FAM120A: variants seen among roughly 807,000 people sequenced by gnomAD.
FAM120A encodes the protein family with sequence similarity 120 member A, also known as constitutive coactivator of PPAR-gamma-like protein 1.
In FAM120A, 15 loss-of-function variants were observed where a neutral mutation model predicts 109.7. The ratio of observed to expected loss-of-function variants is 0.14; its 90% CI spans 0.09 to 0.21. The LOEUF (loss-of-function observed/expected upper bound fraction) is 0.21, where lower values mean the gene tolerates loss of function less well. Among genes scored for constraint, FAM120A ranks in the 10% least tolerant of loss-of-function variants. The pLI is 1.00. For synonymous variants in FAM120A, 493 were observed against 572.8 expected, an observed-to-expected ratio of 0.86 and a Z score of 1.99; for missense variants, 899 against 1,439.3, an observed-to-expected ratio of 0.62 and a Z score of 6.07.
At chr9:93,484,836 A>G (rs112294389) in intron 3 of FAM120A, among the ~76,000 whole-genome samples, 6,778 of 152,244 alleles carry the variant, frequency 0.045, 254 homozygotes, top group African/African-American at 0.094. Context: ...GGCCTCCCCA[A>G]AGTGCTGGGA....
At chr9:93,543,864 G>C (rs1861793428) in intron 11 of FAM120A, among the ~76,000 whole-genome samples, 1 of 152,064 alleles carries the variant, frequency 6.6e-6, no homozygotes, top group South Asian at 2.1e-4. Context: ...ATCATTTACA[G>C]TCACACATTG....
intron 7 of FAM120A, among the ~76,000 whole-genome samples, chr9:93,520,330 T>G (rs1860792680): frequency 6.6e-6 from 1 of 152,092 alleles, no homozygotes; most frequent in African/African-American, 2.4e-5. Context: ...GCCAATGCGC[T>G]CTCTCCTGGG....
intron 2 of FAM120A, among the ~76,000 whole-genome samples, chr9:93,473,153 A>T (rs1564313157): frequency 1.3e-5 from 2 of 151,690 alleles, no homozygotes; most frequent in Admixed American, 6.6e-5. Flanking sequence ...GAAAGCTGGG[A>T]TTACAGGCGC....
At chr9:93,483,283 A>G (rs1283478478) in intron 3 of FAM120A, among the ~76,000 whole-genome samples, 3 of 152,140 alleles carry the variant, frequency 2.0e-5, no homozygotes, top group Non-Finnish European at 4.4e-5. Context: ...GTAAGAGCTA[A>G]GAAAAACTTC....
In FAM120A at chr9:93,532,479, GTAAAGGC is replaced by G; in HGVS notation, c.1909+152_1909+158del. 2.8e-6 allele frequency: 2 copies of G among 723,200 alleles called. No individual in the cohort carries two copies. Among genetic ancestry groups the G allele is most frequent in the East Asian group, 5.3e-5 (2 of 37,428 alleles). 44.8% of individuals were successfully genotyped at this position (723,200 alleles called of 1,614,324 possible). A position where few individuals can be genotyped will look rare whatever the true frequency, so the allele number is the denominator to read the frequency against. On this transcript the variant is annotated intron_variant, in intron 10 of 17. Coordinates refer to ENST00000277165, the MANE Select transcript of FAM120A (RefSeq NM_014612.5). This position sits in a 1 kb window ranked among gnomAD's most constrained non-coding sequence, Gnocchi z 4.3. ...CCCATCATCGGGGCAGTAGGCCAGG[GTAAAGGC>G]TCTTAGAAAAGGAGGAGAAGCCACA...
Position 93,481,284 on chromosome 9 carries a change from C to T in FAM120A, c.804+4946C>T, listed in dbSNP as rs7040489. Among the ~76,000 whole-genome samples, 1,407 of 152,236 alleles carry T rather than the reference C, an allele frequency of 9.2e-3. 21 individuals carry two copies. The highest frequency in any genetic ancestry group is 0.032 in the African/African-American group (1,331 of 41,538). On this transcript the variant is annotated intron_variant, in intron 3 of 17. Transcript: ENST00000277165. ...TATGATTTTGTGTCCTAACTGGTTA[C>T]GGGAATTTTTTATTTTGGGTGGGCA...
chr9:93,498,872 C>T lies in FAM120A; in HGVS notation c.1016C>T (p.Pro339Leu), dbSNP rs1004774705. The change falls in exon 5 of 18, where the codon CCA becomes CTA. Residue 339 changes from proline to leucine, a missense_variant. Pro to Leu is a moderately conservative substitution (Grantham distance 98, BLOSUM62 -3). Around this residue, in one of 11 missense-constraint regions of FAM120A, gnomAD observed 258 missense variants for 451.4 expected, o/e 0.57. Coordinates refer to ENST00000277165, the MANE Select transcript of FAM120A (RefSeq NM_014612.5). This position sits in a 1 kb window ranked among gnomAD's most constrained non-coding sequence, Gnocchi z 4.4. ...SATSKPMSFH[P>L]PHYLAARPGP... Reference sequence around the variant, plus strand: ...ACTAGTAAGCCTATGTCATTTCATCCACCACATTACTTAGGTAAGTAAATA... The same window carrying T: ...ACTAGTAAGCCTATGTCATTTCATCTACCACATTACTTAGGTAAGTAAATA... The T allele has an allele frequency of 6.3e-7, 1 of 1,591,848 alleles. No homozygotes were observed. Among genetic ancestry groups the T allele is most frequent in the Non-Finnish European group, 8.6e-7 (1 of 1,159,694 alleles).
chr9:93,487,592 A>T (rs1443338571), intron 3 of FAM120A, among the ~76,000 whole-genome samples: 1 of 152,228 alleles, frequency 6.6e-6, no homozygotes, highest in African/African-American at 2.4e-5. Context: ...GTCAAACCCA[A>T]AGGAAATCTG....
intron 3 of FAM120A, among the ~76,000 whole-genome samples, chr9:93,478,389 A>G (rs1407073780): frequency 1.3e-5 from 2 of 152,012 alleles, no homozygotes; most frequent in Admixed American, 1.3e-4. Flanking sequence ...TTTTCAGATG[A>G]CTTGATACGT....
chr9:93,541,222 G>T (rs1861687945), intron 10 of FAM120A, among the ~76,000 whole-genome samples: 1 of 152,122 alleles, frequency 6.6e-6, no homozygotes, highest in African/African-American at 2.4e-5. Flanking sequence ...ATAGCATATT[G>T]GCGAACAGCT....
At chr9:93,465,468 T>G (rs1390603273) in intron 1 of FAM120A, among the ~76,000 whole-genome samples, 1 of 152,238 alleles carries the variant, frequency 6.6e-6, no homozygotes, top group Non-Finnish European at 1.5e-5. Flanking sequence ...GAAACTTGCC[T>G]TTAGGCCAGG....
Position 93,509,772 on chromosome 9 carries a change from C to T in FAM120A, c.1031-5895C>T, listed in dbSNP as rs187358580. 6.0e-3 allele frequency among the ~76,000 whole-genome samples: 916 copies of T among 152,292 alleles called. 4 individuals are homozygous for T. Among genetic ancestry groups the T allele is most frequent in the Middle Eastern group, 0.014 (4 of 294 alleles). The stretch of plus-strand genomic sequence containing the variant: ...AGTAGAATGAGTGGTGGCGTACCTA[C>T]TTCAGGTTATACAAATGGCAACCTG... On this transcript the variant is annotated intron_variant, in intron 5 of 17. Transcript: ENST00000277165.
At chr9:93,459,501 C>T (rs1857694536) in intron 1 of FAM120A, among the ~76,000 whole-genome samples, 1 of 152,136 alleles carries the variant, frequency 6.6e-6, no homozygotes, top group Admixed American at 6.5e-5. Flanking sequence ...TGTTTGAGCA[C>T]CTGTTAATGC....
rs757329043 is a variant in FAM120A, at chr9:93,452,338, C to T, written c.423C>T (p.Pro141=). 1.1e-5 allele frequency: 18 copies of T among 1,612,890 alleles called. No individual in the cohort carries two copies. Among genetic ancestry groups the T allele is most frequent in the Admixed American group, 1.7e-5 (1 of 60,008 alleles). The change falls in exon 1 of 18, where the codon CCC becomes CCT. Residue 141 remains proline (P), a synonymous_variant. Coordinates refer to ENST00000277165, the MANE Select transcript of FAM120A (RefSeq NM_014612.5). This position sits in a 1 kb window ranked among gnomAD's most constrained non-coding sequence, Gnocchi z 7.0. Reference sequence around the variant, plus strand: ...CGCCAAAGGTCTGGTTCCTGCCGCCCGTCTGCATGGCCCACTGCATCCGCC... The same window carrying T: ...CGCCAAAGGTCTGGTTCCTGCCGCCTGTCTGCATGGCCCACTGCATCCGCC... ...TPPPKVWFLP[P]VCMAHCIRLA... is the part of the protein sequence containing the mutation.
intron 15 of FAM120A, among the ~76,000 whole-genome samples, chr9:93,559,925 C>T (rs1264416343): frequency 6.6e-6 from 1 of 152,196 alleles, no homozygotes; most frequent in African/African-American, 2.4e-5. Context: ...AGCACTTAAG[C>T]TCTGGCTAGA....
chr9:93,513,465 G>A (rs1029619157), intron 5 of FAM120A, among the ~76,000 whole-genome samples: 6 of 152,172 alleles, frequency 3.9e-5, no homozygotes, highest in Non-Finnish European at 8.8e-5. Context: ...AATGTGTTGT[G>A]TGCACGTGTG....
intron 3 of FAM120A, among the ~76,000 whole-genome samples, chr9:93,495,942 A>G (rs1253242920): frequency 6.6e-6 from 1 of 152,236 alleles, no homozygotes; most frequent in Non-Finnish European, 1.5e-5. Flanking sequence ...CTTATGTCCT[A>G]TTCTAAATCC....
rs368881317 is a variant in FAM120A, at chr9:93,520,845, A to G, written c.1418+4576A>G. Among the ~76,000 whole-genome samples the G allele has an allele frequency of 9.2e-5, 14 of 152,378 alleles. No individual in the cohort carries two copies. In the East Asian group the frequency reaches 2.5e-3, roughly 27 times the overall value. ...TGGCAGCAGATCAGGAAATGCTCTC[A>G]GCCAGTCCTCAGGGGCAGTAGGGCA... is the stretch of plus-strand genomic sequence containing the variant. On this transcript the variant is annotated intron_variant, in intron 7 of 17. Coordinates refer to ENST00000277165, the MANE Select transcript of FAM120A (RefSeq NM_014612.5).
intron 11 of FAM120A, among the ~76,000 whole-genome samples, chr9:93,546,757 A>G (rs928367): frequency 0.91 from 137,997 of 152,312 alleles, 62,561 homozygotes; most frequent in East Asian, 1. Flanking sequence ...CCATGCTCCA[A>G]TAACCTTCTC....
Sources: allele counts gnomAD v4.1 joint callset (sites outside exome capture counted in the v4.1 genomes callset), GRCh38; gene constraint gnomAD v4.1.1; regional missense constraint gnomAD v4.1.1; non-coding constraint Gnocchi (gnomAD v3.1); transcripts MANE v1.5; gene names NCBI Gene and HGNC (gene_info 2026-07-23, HGNC 2026-07-21).